The following KATNIP variants were observed in gnomAD, a reference collection of about 807,000 sequenced individuals.
KATNIP encodes katanin-interacting protein.
In KATNIP, 126 loss-of-function variants were observed where a neutral mutation model predicts 174.0. The ratio of observed to expected loss-of-function variants is 0.72; its 90% CI spans 0.63 to 0.84. The LOEUF is 0.84. Ranked by LOEUF, KATNIP falls within the 40% of genes least tolerant of loss-of-function variation. The probability of loss-of-function intolerance (pLI) is 0.00; values close to 1 mark genes in which losing one functional copy is unlikely to be tolerated. For missense variants in KATNIP, 1,958 were observed against 2,109.7 expected (o/e 0.93, Z 1.41); for synonymous variants, 810 against 835.7 (o/e 0.97, Z 0.53).
chr16:27,662,430 G>C (rs1037278318), intron 6 of KATNIP, among the ~76,000 whole-genome samples: 1 of 152,084 alleles, frequency 6.6e-6, no homozygotes, highest in Non-Finnish European at 1.5e-5. Context: ...AAGGCCCCCA[G>C]GGATGACCAA....
intron 2 of KATNIP, among the ~76,000 whole-genome samples, chr16:27,602,387 C>T (rs2075556454): frequency 6.6e-6 from 1 of 152,182 alleles, no homozygotes; most frequent in African/African-American, 2.4e-5. Context: ...CATCTCCTCC[C>T]ACTCCCCTGC....
At chr16:27,561,428 GC>G (rs1042637524) in intron 1 of KATNIP, among the ~76,000 whole-genome samples, 9 of 152,028 alleles carry the variant, frequency 5.9e-5, no homozygotes, top group African/African-American at 2.2e-4. Flanking sequence ...TGCTTCCTCT[GC>G]TCTCCCATTA....
chr16:27,695,410 C>A (rs2078880061), intron 8 of KATNIP, among the ~76,000 whole-genome samples: 1 of 152,202 alleles, frequency 6.6e-6, no homozygotes, highest in South Asian at 2.1e-4. Context: ...GGGTACCTAG[C>A]TGCTCAGAGA....
At position 27,707,341 on chromosome 16, in the gene KATNIP, G is replaced by A. The variant is rs185580949; in HGVS notation, c.1390-1364G>A. Reference sequence around the variant, plus strand: ...AGGGCCTCAGGAAGCCATTCCGAACGGTGGCCATTTATTGATGGCATTCAC... The same window carrying A: ...AGGGCCTCAGGAAGCCATTCCGAACAGTGGCCATTTATTGATGGCATTCAC... On this transcript the variant is annotated intron_variant, in intron 12 of 27. Transcript: ENST00000261588. Among the ~76,000 whole-genome samples, 177 of 152,298 alleles carry A rather than the reference G, an allele frequency of 1.2e-3. 2 individuals are homozygous for A. The highest frequency in any genetic ancestry group is 4.1e-3 in the African/African-American group (169 of 41,582).
At chr16:27,693,146 A>G (rs577167311) in intron 8 of KATNIP, among the ~76,000 whole-genome samples, 2 of 152,306 alleles carry the variant, frequency 1.3e-5, no homozygotes, top group African/African-American at 2.4e-5. Flanking sequence ...AATCTGCAAC[A>G]TAGCTTGCTA....
At chr16:27,719,991 T>C (rs2080145318) in intron 13 of KATNIP, among the ~76,000 whole-genome samples, 1 of 152,094 alleles carries the variant, frequency 6.6e-6, no homozygotes, top group African/African-American at 2.4e-5. Context: ...CATTTTTAAA[T>C]GTTGGCAATG....
intron 2 of KATNIP, among the ~76,000 whole-genome samples, chr16:27,613,590 A>G (rs2075958906): frequency 2.0e-5 from 3 of 152,202 alleles, no homozygotes. Context: ...TTGGAGCAGC[A>G]TCTGTGTTCT....
In KATNIP at chr16:27,604,036, C is replaced by T. The variant is rs143232994; in HGVS notation, c.64-14389C>T. 3.0e-3 allele frequency among the ~76,000 whole-genome samples: 452 copies of T among 152,154 alleles called. 4 individuals carry two copies. The highest frequency in any genetic ancestry group is 9.9e-3 in the African/African-American group (413 of 41,524). Reference sequence around the variant, plus strand: ...ACAAGTGTGAGCCACTGTGCCTGGCCGCCCTTCCCACTTTCTATTCTCCAT... The same window carrying T: ...ACAAGTGTGAGCCACTGTGCCTGGCTGCCCTTCCCACTTTCTATTCTCCAT... On this transcript the variant is annotated intron_variant, in intron 2 of 27. Transcript: ENST00000261588.
At chr16:27,733,842 C>A (rs1457233744) in intron 14 of KATNIP, among the ~76,000 whole-genome samples, 1 of 152,118 alleles carries the variant, frequency 6.6e-6, no homozygotes, top group Non-Finnish European at 1.5e-5. Flanking sequence ...GCAGAGGAAT[C>A]CAGACTCGCA....
At chr16:27,699,469 T>A in intron 9 of KATNIP, 65 bp from the exon 10 acceptor site, 2 of 1,602,790 alleles carry the variant, frequency 1.2e-6, no homozygotes, top group Admixed American at 3.4e-5. Context: ...CCCTCATCTT[T>A]CTGTGAACAG....
chr16:27,721,458 G>A, intron 13 of KATNIP, 100 bp from the exon 14 acceptor site: 6 of 1,431,268 alleles, frequency 4.2e-6, no homozygotes, highest in Non-Finnish European at 5.9e-6. Flanking sequence ...GCCCTCACCA[G>A]GCCTCTCCTG....
chr16:27,599,637 G>A (rs548573591), intron 2 of KATNIP, among the ~76,000 whole-genome samples: 1 of 152,190 alleles, frequency 6.6e-6, no homozygotes, highest in African/African-American at 2.4e-5. Flanking sequence ...GACCCTCCAC[G>A]TGGCTGAGTC....
At chr16:27,684,177 C>T (rs761349432) in intron 8 of KATNIP, among the ~76,000 whole-genome samples, 7 of 152,308 alleles carry the variant, frequency 4.6e-5, no homozygotes, top group South Asian at 2.1e-4. Flanking sequence ...TAATCATCCA[C>T]ACAGCCCCGT....
At chr16:27,642,294 C>T (rs761558308) in intron 5 of KATNIP, among the ~76,000 whole-genome samples, 9 of 152,164 alleles carry the variant, frequency 5.9e-5, no homozygotes, top group Non-Finnish European at 1.2e-4. Flanking sequence ...GAATCATTCT[C>T]AGCAAACTAT....
intron 21 of KATNIP, among the ~76,000 whole-genome samples, chr16:27,770,765 C>T (rs1040263852): frequency 1.3e-5 from 2 of 152,208 alleles, no homozygotes; most frequent in Admixed American, 6.5e-5. Flanking sequence ...CTTCCAGCCA[C>T]CCTTTGACCT....
intron 8 of KATNIP, 116 bp from the exon 9 acceptor site, chr16:27,698,212 T>G (rs755002815): frequency 7.4e-6 from 8 of 1,074,666 alleles, no homozygotes; most frequent in Non-Finnish European, 1.1e-5. Context: ...CTTGACATTT[T>G]TGGAGAGTAT....
At chr16:27,707,389 C>T (rs980361822) in intron 12 of KATNIP, among the ~76,000 whole-genome samples, 3 of 152,146 alleles carry the variant, frequency 2.0e-5, no homozygotes, top group Non-Finnish European at 4.4e-5. Context: ...AGCAGACAGC[C>T]GACGCAGGAA....
At chr16:27,770,996 G>C (rs1407584277) in intron 21 of KATNIP, among the ~76,000 whole-genome samples, 1 of 152,204 alleles carries the variant, frequency 6.6e-6, no homozygotes, top group Non-Finnish European at 1.5e-5. Flanking sequence ...TTGCTCTGCT[G>C]CTCCTCTGCG....
intron 13 of KATNIP, among the ~76,000 whole-genome samples, chr16:27,717,463 T>C (rs1257813897): frequency 2.0e-5 from 3 of 152,138 alleles, no homozygotes; most frequent in Non-Finnish European, 1.5e-5. Flanking sequence ...AATAATTCTC[T>C]CTTATTTTTT....
Sources: gnomAD v4.1 joint callset for allele counts (sites outside exome capture counted in the v4.1 genomes callset) on GRCh38, gnomAD v4.1.1 for gene constraint, MANE v1.5 for transcripts, NCBI Gene and HGNC (gene_info 2026-07-23, HGNC 2026-07-21) for gene names.